Variants in UBE4B observed in about 807,000 individuals in gnomAD.
The protein encoded by UBE4B is ubiquitination factor E4B.
UBE4B carries 27 observed loss-of-function variants against 148.1 expected under a neutral mutation model. The observed-to-expected ratio is 0.18, with a 90% CI of 0.13 to 0.25. The LOEUF is 0.25. UBE4B is among the 10% of genes least tolerant of loss of function. The pLI is 1.00. For synonymous variants in UBE4B, 596 were observed against 619.3 expected (o/e 0.96, Z 0.56); for missense variants, 1,170 against 1,662.4 (o/e 0.70, Z 5.15).
At chr1:10,135,531 G>T (rs893129763) in intron 16 of UBE4B, among the ~76,000 whole-genome samples, 1 of 152,092 alleles carries the variant, frequency 6.6e-6, no homozygotes, top group Non-Finnish European at 1.5e-5. Context: ...AAGGTCCGGA[G>T]TTCATGACCA....
intron 22 of UBE4B, among the ~76,000 whole-genome samples, chr1:10,159,797 T>G (rs1356806050): frequency 6.6e-6 from 1 of 152,252 alleles, no homozygotes; most frequent in Non-Finnish European, 1.5e-5. Flanking sequence ...TACTAGTCAA[T>G]AATATACAAA....
intron 7 of UBE4B, among the ~76,000 whole-genome samples, chr1:10,111,534 C>T (rs1362092208): frequency 6.6e-6 from 1 of 152,192 alleles, no homozygotes. Context: ...CGTCGTTCTT[C>T]ATCCGCCTGG....
chr1:10,157,352 C>G (rs1185984247), intron 21 of UBE4B, among the ~76,000 whole-genome samples: 1 of 152,074 alleles, frequency 6.6e-6, no homozygotes, highest in East Asian at 1.9e-4. Flanking sequence ...GTGGATACAC[C>G]TCCAGTCCCA....
At chr1:10,038,886 C>A (rs1570758403) in intron 1 of UBE4B, among the ~76,000 whole-genome samples, 1 of 151,982 alleles carries the variant, frequency 6.6e-6, no homozygotes, top group Admixed American at 6.6e-5. Context: ...CACGTGAAAC[C>A]CCGTCTCTAC....
At chr1:10,166,551 G>C (rs775878556) in intron 23 of UBE4B, among the ~76,000 whole-genome samples, 16 of 152,148 alleles carry the variant, frequency 1.1e-4, no homozygotes, top group Non-Finnish European at 1.9e-4. Flanking sequence ...ACTTTGGGAG[G>C]CCTAGGTGGG....
intron 16 of UBE4B, 74 bp from the exon 17 acceptor site, chr1:10,136,988 TTTCTC>T (rs1372457137): frequency 6.9e-7 from 1 of 1,444,466 alleles, no homozygotes; most frequent in Admixed American, 2.0e-5. Flanking sequence ...CAAATGTAAT[TTTCTC>T]TTCTGAATTC....
intron 1 of UBE4B, among the ~76,000 whole-genome samples, chr1:10,062,853 G>A (rs1644312506): frequency 6.6e-6 from 1 of 151,858 alleles, no homozygotes; most frequent in African/African-American, 2.4e-5. Context: ...CGACTCGGGA[G>A]GCTGAGGCAG....
chr1:10,048,516 T>C (rs1344011503), intron 1 of UBE4B, among the ~76,000 whole-genome samples: 9 of 152,074 alleles, frequency 5.9e-5, no homozygotes, highest in Admixed American at 5.2e-4. Flanking sequence ...AATTAAAGGT[T>C]GGGAGATCAG....
At chr1:10,062,962 A>C (rs1483507014) in intron 1 of UBE4B, among the ~76,000 whole-genome samples, 2 of 151,916 alleles carry the variant, frequency 1.3e-5, no homozygotes, top group Non-Finnish European at 2.9e-5. Context: ...GTCTCAAAAA[A>C]AAAAAAAAAG....
intron 17 of UBE4B, among the ~76,000 whole-genome samples, chr1:10,143,289 CT>C (rs1245290808): frequency 1.3e-5 from 2 of 152,112 alleles, no homozygotes; most frequent in African/African-American, 4.8e-5. Context: ...ATAATTCCAG[CT>C]ACTTGGGAGG....
Position 10,171,185 on chromosome 1 carries a change from A to G in UBE4B, c.3381A>G (p.Gln1127=), listed in dbSNP as rs147245303. Residue 1127 remains glutamine (Q), a synonymous_variant, in exon 25 of 28, where the codon CAA becomes CAG. Coordinates refer to ENST00000343090, the MANE Select transcript of UBE4B (RefSeq NM_001105562.3). ...CAATGCTGAACTTTAATCTTCAGCA[A>G]CTTTGTGGCCCCAAGTGCCGTGACC... ...LAAMLNFNLQ[Q]LCGPKCRDLK... 1 of 1,614,174 alleles carries G rather than the reference A, an allele frequency of 6.2e-7. No individual in the cohort carries two copies. Among genetic ancestry groups the G allele is most frequent in the East Asian group, 2.2e-5 (1 of 44,882 alleles).
At chr1:10,125,831 A>G (rs975104770) in intron 10 of UBE4B, among the ~76,000 whole-genome samples, 1 of 152,222 alleles carries the variant, frequency 6.6e-6, no homozygotes, top group Non-Finnish European at 1.5e-5. Context: ...TAGCAGGTTA[A>G]TGTATTAATT....
chr1:10,097,612 C>T (rs1484078221), intron 3 of UBE4B, among the ~76,000 whole-genome samples: 5 of 152,132 alleles, frequency 3.3e-5, no homozygotes, highest in Non-Finnish European at 2.9e-5. Context: ...GAGTTCGAGA[C>T]CAGCCTGGCC....
chr1:10,105,410 C>G, intron 5 of UBE4B, 106 bp from the exon 6 acceptor site: 1 of 888,820 alleles, frequency 1.1e-6, no homozygotes, highest in Non-Finnish European at 1.8e-6. Context: ...AGAATCTAAT[C>G]CAGGATACTG....
intron 22 of UBE4B, among the ~76,000 whole-genome samples, 188 bp from the exon 23 acceptor site, chr1:10,160,954 A>G (rs1646150262): frequency 6.6e-6 from 1 of 152,118 alleles, no homozygotes; most frequent in South Asian, 2.1e-4. Flanking sequence ...AAAAGAAACA[A>G]GATTAACATA....
intron 1 of UBE4B, among the ~76,000 whole-genome samples, chr1:10,037,400 A>G (rs1190955897): frequency 1.3e-5 from 2 of 152,176 alleles, no homozygotes; most frequent in African/African-American, 4.8e-5. Context: ...CAGTGAGTTC[A>G]TTGCCCTATA....
Position 10,178,794 on chromosome 1 carries a change from A to G in UBE4B, c.3676A>G (p.Ser1226Gly), listed in dbSNP as rs1277727339. The change falls in exon 26 of 28, where the codon AGC becomes GGC. Residue 1226 changes from serine (S) to glycine (G), a missense_variant. Transcript: ENST00000343090. ...GAACGCACGCGCAGAAATCGACTACAGCGACGCTCCTGATGAGTTCAGAGG... is the reference window on the plus strand; with the variant it reads ...GAACGCACGCGCAGAAATCGACTACGGCGACGCTCCTGATGAGTTCAGAGG... ...AKNARAEIDYSDAPDEFRDPL... is the reference protein window; with the variant it reads ...AKNARAEIDYGDAPDEFRDPL... The G allele has an allele frequency of 1.2e-6, 2 of 1,612,692 alleles. No individual in the cohort carries two copies. The highest frequency in any genetic ancestry group is 1.1e-5 in the South Asian group (1 of 90,844).
intron 4 of UBE4B, among the ~76,000 whole-genome samples, chr1:10,101,447 G>T (rs1442757988): frequency 1.4e-5 from 2 of 138,152 alleles, no homozygotes; most frequent in East Asian, 2.2e-4. Context: ...AATTTAGGTT[G>T]TAATAGGAAC....
At chr1:10,076,392 C>T (rs188907544) in intron 2 of UBE4B, among the ~76,000 whole-genome samples, 1 of 152,058 alleles carries the variant, frequency 6.6e-6, no homozygotes, top group African/African-American at 2.4e-5. Context: ...TACAGGTGCC[C>T]ACCACCATGC....
Sources: allele counts gnomAD v4.1 joint callset (sites outside exome capture counted in the v4.1 genomes callset), GRCh38; gene constraint gnomAD v4.1.1; transcripts MANE v1.5; gene names NCBI Gene and HGNC (gene_info 2026-07-23, HGNC 2026-07-21).